The following SYNE1 variants were observed in gnomAD, a reference collection of about 807,000 sequenced individuals.
SYNE1 encodes spectrin repeat containing nuclear envelope protein 1.
In SYNE1, 616 loss-of-function variants were observed where a neutral mutation model predicts 1,111.0. The observed-to-expected ratio is 0.55, with a 90% CI of 0.52 to 0.59. The LOEUF is 0.59. Ranked by LOEUF, SYNE1 falls within the 20% of genes least tolerant of loss-of-function variation. The pLI, the probability that SYNE1 is intolerant of heterozygous loss-of-function variation, is 0.00. For missense variants in SYNE1, 10,006 were observed against 10,417.0 expected, an observed-to-expected ratio of 0.96 and a Z score of 1.72; for synonymous variants, 3,855 against 3,825.8, an observed-to-expected ratio of 1.01 and a Z score of -0.28.
At chr6:152,160,277 C>T (rs2062195700) in intron 131 of SYNE1, among the ~76,000 whole-genome samples, 1 of 152,152 alleles carries the variant, frequency 6.6e-6, no homozygotes, top group Non-Finnish European at 1.5e-5. Context: ...CTCTCTCTCT[C>T]TAATTTATAA....
In SYNE1 at chr6:152,377,623, AAAAAAAAAAAAAAAAAAATATAT is replaced by A. The variant is rs1434802531; in HGVS notation, c.9010-734_9010-712del. Reference sequence around the variant, plus strand: ...AACTCCGTCTTAAAAAAAAAAAAAAAAAAAAAAAAAAAAAAAAATATATATATATATATATATATATATATATA... The same window carrying A: ...AACTCCGTCTTAAAAAAAAAAAAAAAATATATATATATATATATATATATA... On this transcript the variant is annotated intron_variant, in intron 56 of 145. Transcript: ENST00000367255. Among the ~76,000 whole-genome samples, 233 of 103,824 alleles carry A rather than the reference AAAAAAAAAAAAAAAAAAATATAT, an allele frequency of 2.2e-3. 1 individual carries two copies. Among genetic ancestry groups the A allele is most frequent in the African/African-American group, 9.8e-3 (223 of 22,806 alleles). 68.1% of individuals were successfully genotyped at this position (103,824 alleles called of 152,430 possible).
Position 152,400,867 on chromosome 6 carries a change from GA to G in SYNE1, c.7029+270del, listed in dbSNP as rs112642831. 6.4e-3 allele frequency among the ~76,000 whole-genome samples: 967 copies of G among 151,190 alleles called. 13 individuals are homozygous for G. The highest frequency in any genetic ancestry group is 0.021 in the African/African-American group (856 of 41,262). ...AGAGGCTCCACCCTTTTATAAAAAA[GA>G]AAAAAAAACTTTGAACAAGCATAGA... On this transcript the variant is annotated intron_variant, in intron 47 of 145. Transcript: ENST00000367255.
chr6:152,321,297 G>A lies in SYNE1; in HGVS notation c.16177C>T (p.Pro5393Ser), dbSNP rs754951848. ...GCCAACTGAAGGGAGAGTTCAGAAG[G>A]TAATATGGTATAAAGACCTAAGTAC... The part of the protein sequence containing the change: ...EKYLGLYTIL[P>S]SELSLQLAEV... The change falls in exon 84 of 146, where the codon CCT becomes TCT. Residue 5393 changes from proline to serine, a missense_variant. Coordinates refer to ENST00000367255, the MANE Select transcript of SYNE1 (RefSeq NM_182961.4). 3.7e-6 allele frequency: 6 copies of A among 1,613,816 alleles called. No individual in the cohort carries two copies. Among genetic ancestry groups the A allele is most frequent in the Non-Finnish European group, 5.1e-6 (6 of 1,179,874 alleles).
intron 3 of SYNE1, among the ~76,000 whole-genome samples, chr6:152,598,749 T>C (rs1416317575): frequency 1.3e-5 from 2 of 152,208 alleles, no homozygotes; most frequent in African/African-American, 4.8e-5. Flanking sequence ...CTGGTCTTTG[T>C]ATGCAGAAAC....
intron 131 of SYNE1, among the ~76,000 whole-genome samples, chr6:152,161,916 G>A (rs1289851656): frequency 6.6e-6 from 1 of 152,182 alleles, no homozygotes; most frequent in Non-Finnish European, 1.5e-5. Context: ...GCCAAGCTGG[G>A]GAAGCGGGCT....
In SYNE1 at chr6:152,354,601, C is replaced by T. The variant is rs183613118; in HGVS notation, c.10926+58G>A. The T allele has an allele frequency of 9.6e-5, 154 of 1,600,198 alleles. No homozygotes were observed. In the African/African-American group the frequency reaches 1.5e-3, roughly 15 times the overall value. ...AAAGTTACTAAATATCTTAATGAAA[C>T]AAACTATGCAAGGTAACTGTAGCTT... On this transcript the variant is annotated intron_variant, in intron 67 of 145. Coordinates refer to ENST00000367255, the MANE Select transcript of SYNE1 (RefSeq NM_182961.4).
chr6:152,373,160 C>T lies in SYNE1; in HGVS notation c.9384G>A (p.Gly3128=). Residue 3128 remains glycine, a synonymous_variant, in exon 59 of 146, where the codon GGG becomes GGA. Coordinates refer to ENST00000367255, the MANE Select transcript of SYNE1 (RefSeq NM_182961.4). Reference sequence around the variant, plus strand: ...TGGTCAGCAGGGTACTCAGAAGTTCCCCTTTAGACAGCATCATGTTTAGCT... The same window carrying T: ...TGGTCAGCAGGGTACTCAGAAGTTCTCCTTTAGACAGCATCATGTTTAGCT... The part of the protein sequence containing the change: ...QHKLNMMLSK[G]ELLSTLLTKE... 3 of 1,614,046 alleles carry T rather than the reference C, an allele frequency of 1.9e-6. No homozygotes were observed. Among genetic ancestry groups the T allele is most frequent in the South Asian group, 2.2e-5 (2 of 91,082 alleles).
intron 56 of SYNE1, among the ~76,000 whole-genome samples, chr6:152,380,116 A>C (rs1398219306): frequency 1.3e-5 from 2 of 152,218 alleles, no homozygotes; most frequent in Non-Finnish European, 2.9e-5. Context: ...GAGTAGCATA[A>C]AGAGGTAGAA....
chr6:152,507,533 A>G (rs2099064239), intron 8 of SYNE1, among the ~76,000 whole-genome samples: 1 of 152,164 alleles, frequency 6.6e-6, no homozygotes, highest in Non-Finnish European at 1.5e-5. Context: ...AATATTCCTT[A>G]AAAGTTTTAG....
chr6:152,153,170 G>A (rs2060748658), intron 133 of SYNE1, among the ~76,000 whole-genome samples: 1 of 152,144 alleles, frequency 6.6e-6, no homozygotes, highest in Non-Finnish European at 1.5e-5. Context: ...TTCCTTGTGA[G>A]AGCTGCTTTC....
Position 152,189,241 on chromosome 6 carries a change from A to G in SYNE1, c.23301+11T>C. 1 of 1,613,294 alleles carries G rather than the reference A, an allele frequency of 6.2e-7. No individual in the cohort carries two copies. Among genetic ancestry groups the G allele is most frequent in the Non-Finnish European group, 8.5e-7 (1 of 1,179,882 alleles). ...TCATCAAGATAATTCCATTTTTAGA[A>G]CTTATCTTACCTGGTGGCATAGTTC... On this transcript the variant is annotated intron_variant, in intron 128 of 145. Coordinates refer to ENST00000367255, the MANE Select transcript of SYNE1 (RefSeq NM_182961.4).
intron 115 of SYNE1, among the ~76,000 whole-genome samples, chr6:152,227,448 T>G (rs549645294): frequency 1.3e-5 from 2 of 152,252 alleles, no homozygotes; most frequent in South Asian, 4.1e-4. Context: ...CAGCTTAAAG[T>G]GATCATTTTT....
chr6:152,526,569 C>T (rs1300250332), intron 4 of SYNE1, among the ~76,000 whole-genome samples: 1 of 152,218 alleles, frequency 6.6e-6, no homozygotes, highest in Admixed American at 6.5e-5. Context: ...GGACCAACCT[C>T]AGCTTAACTT....
chr6:152,431,303 G>A (rs2098426083), intron 34 of SYNE1, among the ~76,000 whole-genome samples: 1 of 152,200 alleles, frequency 6.6e-6, no homozygotes, highest in South Asian at 2.1e-4. Context: ...CTAAGTCTAA[G>A]GTGGGGCTCA....
chr6:152,341,686 A>T (rs891506901), intron 74 of SYNE1, among the ~76,000 whole-genome samples: 1 of 151,934 alleles, frequency 6.6e-6, no homozygotes. Flanking sequence ...ATCCAAGCTC[A>T]CCAGCCACTA....
At chr6:152,482,254 G>C (rs556062280) in intron 14 of SYNE1, among the ~76,000 whole-genome samples, 2 of 152,160 alleles carry the variant, frequency 1.3e-5, no homozygotes, top group East Asian at 3.9e-4. Context: ...ATAATAAAAG[G>C]CAATAAAATC....
intron 128 of SYNE1, among the ~76,000 whole-genome samples, chr6:152,189,040 G>A (rs1272565862): frequency 8.6e-6 from 1 of 116,076 alleles, no homozygotes. Flanking sequence ...CAGCAAAAGT[G>A]AAAGAAAAAG....
At chr6:152,524,015 C>A (rs930922182) in intron 5 of SYNE1, among the ~76,000 whole-genome samples, 1 of 152,124 alleles carries the variant, frequency 6.6e-6, no homozygotes, top group East Asian at 1.9e-4. Flanking sequence ...TTGACTTACT[C>A]TTTTCCAATT....
At chr6:152,293,389 CTCTT>C (rs1184118090) in intron 95 of SYNE1, among the ~76,000 whole-genome samples, 195 bp downstream of exon 95, 1 of 152,208 alleles carries the variant, frequency 6.6e-6, no homozygotes, top group Non-Finnish European at 1.5e-5. Context: ...CTCCCTCTCT[CTCTT>C]TTTCTCAGAT....
Sources: allele counts gnomAD v4.1 joint callset (sites outside exome capture counted in the v4.1 genomes callset), GRCh38; gene constraint gnomAD v4.1.1; transcripts MANE v1.5; gene names NCBI Gene and HGNC (gene_info 2026-07-23, HGNC 2026-07-21).